STXBP5L: variants seen among roughly 807,000 people sequenced by gnomAD.
The protein encoded by STXBP5L is syntaxin binding protein 5L, also known as syntaxin-binding protein 5-like.
Under a neutral mutation model 144.5 loss-of-function variants are expected in STXBP5L, and 65 were observed. That is an observed-to-expected ratio of 0.45 (90% CI 0.37 to 0.55). The LOEUF (loss-of-function observed/expected upper bound fraction) is 0.55, where lower values mean the gene tolerates loss of function less well. Ranked by LOEUF, STXBP5L falls within the 20% of genes least tolerant of loss-of-function variation. The probability of loss-of-function intolerance (pLI) is 0.00; values close to 1 mark genes in which losing one functional copy is unlikely to be tolerated. For synonymous variants in STXBP5L, 505 were observed against 469.6 expected (o/e 1.08, Z -0.97); for missense variants, 1,298 against 1,405.5 (o/e 0.92, Z 1.22).
chr3:121,030,962 G>A (rs923474209), intron 3 of STXBP5L, among the ~76,000 whole-genome samples: 2 of 152,098 alleles, frequency 1.3e-5, no homozygotes, highest in African/African-American at 2.4e-5. Context: ...GCTTCCAAGA[G>A]CAACATCGCA....
intron 5 of STXBP5L, among the ~76,000 whole-genome samples, chr3:121,056,740 G>A (rs1314796973): frequency 6.6e-6 from 1 of 151,922 alleles, no homozygotes; most frequent in Non-Finnish European, 1.5e-5. Context: ...GCTAAACAGT[G>A]TAATTAATTT....
chr3:121,373,196 G>A (rs537945952), intron 20 of STXBP5L, among the ~76,000 whole-genome samples: 8 of 152,354 alleles, frequency 5.3e-5, no homozygotes, highest in Middle Eastern at 6.8e-3. Flanking sequence ...GCATAGAAAA[G>A]GAAGCAAGGC....
intron 5 of STXBP5L, among the ~76,000 whole-genome samples, chr3:121,085,337 T>A (rs1439644395): frequency 6.6e-6 from 1 of 152,096 alleles, no homozygotes; most frequent in African/African-American, 2.4e-5. Context: ...TCTAGGATTT[T>A]AATAGTTTTT....
At chr3:121,136,558 C>T (rs1264024552) in intron 7 of STXBP5L, among the ~76,000 whole-genome samples, 3 of 152,176 alleles carry the variant, frequency 2.0e-5, no homozygotes, top group African/African-American at 7.2e-5. Flanking sequence ...ATGGCTATTA[C>T]TACAATTTTT....
intron 7 of STXBP5L, among the ~76,000 whole-genome samples, chr3:121,136,913 G>C (rs968266266): frequency 6.6e-6 from 1 of 152,110 alleles, no homozygotes; most frequent in Non-Finnish European, 1.5e-5. Flanking sequence ...TAAAAATGAG[G>C]TCATGGCCTT....
intron 3 of STXBP5L, among the ~76,000 whole-genome samples, chr3:120,966,937 G>A (rs1939652366): frequency 6.6e-6 from 1 of 152,200 alleles, no homozygotes; most frequent in Non-Finnish European, 1.5e-5. Flanking sequence ...AGCTTGTTGA[G>A]CTGCAGTGGG....
chr3:121,390,779 G>A (rs2046562729), intron 22 of STXBP5L, among the ~76,000 whole-genome samples: 1 of 152,078 alleles, frequency 6.6e-6, no homozygotes, highest in Non-Finnish European at 1.5e-5. Flanking sequence ...GCTTCCATTT[G>A]TGGGTAACTC....
chr3:121,005,170 C>G (rs1944173155), intron 3 of STXBP5L, among the ~76,000 whole-genome samples: 1 of 152,144 alleles, frequency 6.6e-6, no homozygotes. Flanking sequence ...GGCTGTGAAT[C>G]CATCTGGTCC....
chr3:121,036,545 T>C (rs1946765486), intron 3 of STXBP5L, among the ~76,000 whole-genome samples: 1 of 152,158 alleles, frequency 6.6e-6, no homozygotes, highest in Admixed American at 6.6e-5. Context: ...TGATAGATGA[T>C]TCTTGCTTTA....
At chr3:120,909,305 A>T (rs1708702751) in intron 1 of STXBP5L, 4 of 350,380 alleles carry the variant, frequency 1.1e-5, no homozygotes, top group Non-Finnish European at 1.6e-5. Flanking sequence ...ACAGCTGGGG[A>T]TACAGTCCTT....
intron 3 of STXBP5L, among the ~76,000 whole-genome samples, chr3:120,979,321 A>G (rs1461357686): frequency 6.6e-6 from 1 of 152,162 alleles, no homozygotes; most frequent in East Asian, 1.9e-4. Flanking sequence ...AGCAATCAGC[A>G]ATACTCCGTG....
chr3:121,108,438 A>G (rs1176112117), intron 5 of STXBP5L, among the ~76,000 whole-genome samples: 6 of 152,168 alleles, frequency 3.9e-5, no homozygotes, highest in Non-Finnish European at 8.8e-5. Flanking sequence ...GTTGAATTTT[A>G]TAAAAGGCCT....
intron 3 of STXBP5L, among the ~76,000 whole-genome samples, chr3:120,955,940 G>T (rs967363975): frequency 6.6e-6 from 1 of 151,942 alleles, no homozygotes; most frequent in African/African-American, 2.4e-5. Flanking sequence ...ACTCTCTGAA[G>T]ATTCATTCAT....
intron 5 of STXBP5L, among the ~76,000 whole-genome samples, chr3:121,060,476 G>A (rs1378314905): frequency 6.6e-6 from 1 of 152,158 alleles, no homozygotes; most frequent in East Asian, 1.9e-4. Flanking sequence ...TCAGGATGAA[G>A]CTGGCCTCAT....
At position 121,318,482 on chromosome 3, in the gene STXBP5L, T is replaced by G; in HGVS notation, c.2118T>G (p.Thr706=). Residue 706 remains threonine (T), a synonymous_variant, in exon 20 of 27, where the codon ACT becomes ACG. Transcript: ENST00000471454. ...TTTTCATTGTATTTTCAGGTTTAAC[T>G]GAACTGAATGACAGTCCAGTTCCCC... ...RKNKQFIAGL[T]ELNDSPVPLE... The G allele has an allele frequency of 6.4e-7, 1 of 1,557,164 alleles. No individual in the cohort carries two copies. Among genetic ancestry groups the G allele is most frequent in the Non-Finnish European group, 8.7e-7 (1 of 1,154,560 alleles).
intron 22 of STXBP5L, among the ~76,000 whole-genome samples, chr3:121,405,274 C>T (rs2046970247): frequency 1.3e-5 from 2 of 152,114 alleles, no homozygotes; most frequent in African/African-American, 4.8e-5. Context: ...TAAAATTTAT[C>T]TACCTTTTTT....
intron 24 of STXBP5L, among the ~76,000 whole-genome samples, chr3:121,414,121 TATC>T (rs1431270015): frequency 2.0e-5 from 3 of 148,864 alleles, no homozygotes; most frequent in Non-Finnish European, 4.4e-5. Flanking sequence ...TAAATATTAC[TATC>T]ATCACCATTG....
chr3:121,327,635 T>C (rs1559979632), intron 20 of STXBP5L, among the ~76,000 whole-genome samples: 1 of 152,236 alleles, frequency 6.6e-6, no homozygotes, highest in Non-Finnish European at 1.5e-5. Context: ...TTCCTATGTA[T>C]TTTGTTTCTT....
chr3:121,034,522 C>CATCTATCTATCT (rs527562574), intron 3 of STXBP5L, among the ~76,000 whole-genome samples: 1 of 151,508 alleles, frequency 6.6e-6, no homozygotes, highest in African/African-American at 2.4e-5. Flanking sequence ...GTACCTATAT[C>CATCTATCTATCT]ATCTATCTAT....
Sources: gnomAD v4.1 joint callset for allele counts (sites outside exome capture counted in the v4.1 genomes callset) on GRCh38, gnomAD v4.1.1 for gene constraint, MANE v1.5 for transcripts, NCBI Gene and HGNC (gene_info 2026-07-23, HGNC 2026-07-21) for gene names.